Variants in KLRC1 observed in about 807,000 individuals in gnomAD.
KLRC1 encodes the protein NKG2-A/NKG2-B type II integral membrane protein.
Under a neutral mutation model 25.9 loss-of-function variants are expected in KLRC1, and 22 were observed. That is an observed-to-expected ratio of 0.85 (90% CI 0.61 to 1.21). KLRC1 has a LOEUF of 1.21. KLRC1 is among the 50% of genes most tolerant of loss of function. The probability of loss-of-function intolerance (pLI) is 0.00; values close to 1 mark genes in which losing one functional copy is unlikely to be tolerated. For synonymous variants in KLRC1, 77 were observed against 93.1 expected (o/e 0.83, Z 0.99); for missense variants, 240 against 272.2 (o/e 0.88, Z 0.83).
rs75521043 is a variant in KLRC1 at position 10,452,161 on chromosome 12, T to C, written c.-31-974A>G. 3.8e-3 allele frequency among the ~76,000 whole-genome samples: 577 copies of C among 152,218 alleles called. 7 individuals carry two copies. In the East Asian group the frequency reaches 0.056, roughly 15 times the overall value. On this transcript the variant is annotated intron_variant, in intron 1 of 6. Coordinates refer to ENST00000359151, the MANE Select transcript of KLRC1 (RefSeq NM_002259.5). ...TAAATTGTTAATACTTACAGAAGTATTGGTAATTTAATTAGTAATTGGTAA... is the reference window on the plus strand; with the variant it reads ...TAAATTGTTAATACTTACAGAAGTACTGGTAATTTAATTAGTAATTGGTAA...
upstream of KLRC1, chr12:10,454,654 C>T: frequency 1.0e-6 from 1 of 984,682 alleles, no homozygotes; most frequent in Non-Finnish European, 1.2e-6. Flanking sequence ...CTAAAATGGC[C>T]CTGAATCTCC....
rs750510309 is a variant in KLRC1 at position 10,446,531 on chromosome 12, C to CA, written c.*19dup. 1 of 1,599,310 alleles carries CA rather than the reference C, an allele frequency of 6.3e-7. No individual in the cohort carries two copies. The highest frequency in any genetic ancestry group is 8.5e-7 in the Non-Finnish European group (1 of 1,171,646). On this transcript the variant is annotated 3_prime_UTR_variant, in exon 7 of 7. Coordinates refer to ENST00000359151, the MANE Select transcript of KLRC1 (RefSeq NM_002259.5). ...AATATACAATTTATCTGATGCACTG[C>CA]AAATGCAAACGCTTTACCTCTAAAG...
intron 5 of KLRC1, among the ~76,000 whole-genome samples, chr12:10,448,512 G>A (rs1479723532): frequency 6.6e-6 from 1 of 152,160 alleles, no homozygotes; most frequent in African/African-American, 2.4e-5. Flanking sequence ...ACACCAGAGT[G>A]GATGTGGGTG....
chr12:10,448,717 A>G (rs114571769), intron 5 of KLRC1, among the ~76,000 whole-genome samples: 2 of 152,356 alleles, frequency 1.3e-5, no homozygotes, highest in African/African-American at 2.4e-5. Flanking sequence ...TTGCATAAAT[A>G]TCAGATAGGA....
downstream of KLRC1, among the ~76,000 whole-genome samples, chr12:10,445,792 C>G (rs1306035978): frequency 6.6e-6 from 1 of 151,868 alleles, no homozygotes; most frequent in African/African-American, 2.4e-5. Flanking sequence ...ACAAAAATTA[C>G]TAAAGGGAAT....
chr12:10,451,584 C>T (rs775807973), intron 1 of KLRC1, among the ~76,000 whole-genome samples: 5 of 151,454 alleles, frequency 3.3e-5, no homozygotes, highest in Non-Finnish European at 7.4e-5. Context: ...TGAACATGGG[C>T]GGCAGAGGTT....
Position 10,446,575 on chromosome 12 carries a change from T to C in KLRC1, c.678A>G (p.Ile226Met). ...TCTAAAGCTTATGCTTACAATGATA[T>C]ATTATTGAAGATCCACACTGGGCTG... ...LKSAQCGSSI[I>M]YHCKHKL Residue 226 changes from isoleucine to methionine, a missense_variant, in exon 7 of 7, where the codon ATA becomes ATG. Coordinates refer to ENST00000359151, the MANE Select transcript of KLRC1 (RefSeq NM_002259.5). 2 of 1,613,814 alleles carry C rather than the reference T, an allele frequency of 1.2e-6. No homozygotes were observed. Among genetic ancestry groups the C allele is most frequent in the Non-Finnish European group, 1.7e-6 (2 of 1,179,876 alleles).
intron 4 of KLRC1, 30 bp from the exon 5 acceptor site, chr12:10,449,418 C>A (rs751785579): frequency 6.3e-7 from 1 of 1,599,216 alleles, no homozygotes; most frequent in South Asian, 1.1e-5. Context: ...ACTATCTAGA[C>A]CAATATGAAT....
chr12:10,451,068 G>A lies in KLRC1; in HGVS notation c.89C>T (p.Ser30Phe). The A allele has an allele frequency of 1.2e-6, 2 of 1,614,012 alleles. No individual in the cohort carries two copies. Among genetic ancestry groups the A allele is most frequent in the South Asian group, 1.1e-5 (1 of 91,078 alleles). Residue 30 changes from serine (S) to phenylalanine (F), a missense_variant, in exon 2 of 7, where the codon TCC becomes TTC. Coordinates refer to ENST00000359151, the MANE Select transcript of KLRC1 (RefSeq NM_002259.5). ...TATTTCCTGTTCAGTTGCTAAAATG[G>A]AGTTTTTATTGCCTTTAGGTTTTCG... ...QQRKPKGNKN[S>F]ILATEQEITY...
rs137926120 is a variant in KLRC1 at position 10,448,375 on chromosome 12, C to T, written c.490-743G>A. On this transcript the variant is annotated intron_variant, in intron 5 of 6. Transcript: ENST00000359151. ...GGAGGAGGCCCAGCAAAGCTCACTC[C>T]TGTTCTGTATTGAAGGGGAGTCCCC... 2.3e-3 allele frequency among the ~76,000 whole-genome samples: 353 copies of T among 152,296 alleles called. 2 individuals are homozygous for T. The highest frequency in any genetic ancestry group is 8.1e-3 in the African/African-American group (336 of 41,560).
chr12:10,454,242 T>G (rs1339799846), upstream of KLRC1: 3 of 152,246 alleles, frequency 2.0e-5, no homozygotes, highest in Non-Finnish European at 1.5e-5. Context: ...GAGTTTGGAA[T>G]TCAAGTAGGA....
chr12:10,451,906 T>C (rs942651609), intron 1 of KLRC1, among the ~76,000 whole-genome samples: 1 of 152,010 alleles, frequency 6.6e-6, no homozygotes, highest in African/African-American at 2.4e-5. Flanking sequence ...TTGACATATA[T>C]ATATATAAAA....
downstream of KLRC1, among the ~76,000 whole-genome samples, chr12:10,444,850 C>T (rs1052205624): frequency 7.3e-5 from 11 of 150,920 alleles, no homozygotes; most frequent in African/African-American, 2.7e-4. Flanking sequence ...AAAACATGGT[C>T]AAATATCCTT....
chr12:10,444,325 A>G (rs989788922), downstream of KLRC1, among the ~76,000 whole-genome samples: 2 of 146,650 alleles, frequency 1.4e-5, no homozygotes, highest in African/African-American at 5.1e-5. Flanking sequence ...TTCATTGAAA[A>G]TGCTTTTAAA....
intron 6 of KLRC1, 54 bp from the exon 7 acceptor site, chr12:10,446,716 G>A (rs1435027416): frequency 5.6e-6 from 9 of 1,604,824 alleles, no homozygotes; most frequent in Non-Finnish European, 7.7e-6. Context: ...TGATTCATGA[G>A]ACGAAAGCAT....
intron 6 of KLRC1, among the ~76,000 whole-genome samples, chr12:10,446,977 A>G (rs1863999416): frequency 6.6e-6 from 1 of 152,244 alleles, no homozygotes; most frequent in Non-Finnish European, 1.5e-5. Flanking sequence ...GAGATTGACA[A>G]CAATAACTAC....
intron 1 of KLRC1, among the ~76,000 whole-genome samples, chr12:10,451,569 T>A (rs961701800): frequency 6.6e-6 from 1 of 151,664 alleles, no homozygotes; most frequent in Admixed American, 6.6e-5. Context: ...GGCAGGAGAA[T>A]CTCTTGAACA....
chr12:10,446,662 C>T lies in KLRC1; in HGVS notation c.591G>A (p.Glu197=). 6.2e-7 allele frequency: 1 copy of T among 1,613,628 alleles called. No individual in the cohort carries two copies. The highest frequency in any genetic ancestry group is 8.5e-7 in the Non-Finnish European group (1 of 1,179,712). The change falls in exon 7 of 7, where the codon GAG becomes GAA. Residue 197 remains glutamate (E), a splice_region_variant and synonymous_variant. Transcript: ENST00000359151. ...VTMNGLAFKH[E]IKDSDNAELN... Reference sequence around the variant, plus strand: ...GTTCAGCATTATCTGAGTCTTTTATCCTGTAATGGAGAAAAATCCATATTC... The same window carrying T: ...GTTCAGCATTATCTGAGTCTTTTATTCTGTAATGGAGAAAAATCCATATTC...
chr12:10,444,914 A>AT (rs748521358), downstream of KLRC1, among the ~76,000 whole-genome samples: 727 of 89,106 alleles, frequency 8.2e-3, 3 homozygotes, highest in Middle Eastern at 0.012. Flanking sequence ...ATATGCACTA[A>AT]TTTTTTTTTT....
Sources: allele counts gnomAD v4.1 joint callset (sites outside exome capture counted in the v4.1 genomes callset), GRCh38; gene constraint gnomAD v4.1.1; transcripts MANE v1.5; gene names NCBI Gene and HGNC (gene_info 2026-07-23, HGNC 2026-07-21).